KIZ: variants seen among roughly 807,000 people sequenced by gnomAD.
The protein encoded by KIZ is kizuna centrosomal protein, also known as centrosomal protein kizuna.
KIZ carries 68 observed loss-of-function variants against 79.6 expected under a neutral mutation model. The ratio of observed to expected loss-of-function variants is 0.85; its 90% confidence interval spans 0.70 to 1.05. The LOEUF is 1.05. Among genes scored for constraint, KIZ ranks in the 50% least tolerant of loss-of-function variants. The probability of loss-of-function intolerance (pLI) is 0.00; values close to 1 mark genes in which losing one functional copy is unlikely to be tolerated. For missense variants in KIZ, 797 were observed against 800.4 expected, an observed-to-expected ratio of 1.00 and a Z score of 0.05; for synonymous variants, 280 against 281.8, an observed-to-expected ratio of 0.99 and a Z score of 0.06.
intron 6 of KIZ, among the ~76,000 whole-genome samples, chr20:21,176,921 A>G (rs2034461154): frequency 6.6e-6 from 1 of 152,240 alleles, no homozygotes; most frequent in African/African-American, 2.4e-5. Context: ...CATCCATGTC[A>G]AGATGTGTGT....
chr20:21,210,452 C>CA (rs1487463775), intron 7 of KIZ, among the ~76,000 whole-genome samples: 1 of 152,026 alleles, frequency 6.6e-6, no homozygotes, highest in East Asian at 1.9e-4. Flanking sequence ...TACATCATTT[C>CA]AAATGGCTTT....
At chr20:21,223,667 T>C (rs1050425377) in intron 9 of KIZ, among the ~76,000 whole-genome samples, 32 of 139,276 alleles carry the variant, frequency 2.3e-4, no homozygotes, top group Non-Finnish European at 3.7e-4. Context: ...CTCTCTCTCT[T>C]TTTTTTTTTT....
chr20:21,156,896 A>G (rs932346409), intron 4 of KIZ, among the ~76,000 whole-genome samples: 3 of 152,198 alleles, frequency 2.0e-5, no homozygotes, highest in African/African-American at 7.2e-5. Context: ...AACATTTGGT[A>G]AATCTGGCTA....
At chr20:21,200,705 C>T (rs73115944) in intron 6 of KIZ, among the ~76,000 whole-genome samples, 2,173 of 152,258 alleles carry the variant, frequency 0.014, 36 homozygotes, top group Middle Eastern at 0.041. Flanking sequence ...TCACCTCCTG[C>T]TTTGTGGCCC....
At chr20:21,133,957 C>T (rs1435189017) in intron 2 of KIZ, among the ~76,000 whole-genome samples, 1 of 152,226 alleles carries the variant, frequency 6.6e-6, no homozygotes. Context: ...AGGGCAGCCC[C>T]AGGTGGAGTT....
intron 6 of KIZ, among the ~76,000 whole-genome samples, chr20:21,181,577 G>C (rs980000669): frequency 6.6e-6 from 1 of 151,856 alleles, no homozygotes; most frequent in Non-Finnish European, 1.5e-5. Context: ...TCATGCCTCA[G>C]CTTCCCTTGT....
chr20:21,155,098 GT>G (rs2033310801), intron 4 of KIZ, among the ~76,000 whole-genome samples: 1 of 152,196 alleles, frequency 6.6e-6, no homozygotes. Flanking sequence ...TTGGAAAACA[GT>G]TTGGCAGTTC....
intron 6 of KIZ, among the ~76,000 whole-genome samples, chr20:21,174,896 T>A (rs963134644): frequency 6.6e-6 from 1 of 152,258 alleles, no homozygotes; most frequent in African/African-American, 2.4e-5. Context: ...GTTTGAACTA[T>A]GTTCATTTAG....
intron 4 of KIZ, among the ~76,000 whole-genome samples, chr20:21,149,930 G>T (rs946745655): frequency 6.6e-6 from 1 of 152,232 alleles, no homozygotes; most frequent in African/African-American, 2.4e-5. Context: ...TATGGGAGGT[G>T]GTCCCAGGAA....
At chr20:21,159,738 G>A (rs1387564164) in intron 4 of KIZ, among the ~76,000 whole-genome samples, 2 of 152,178 alleles carry the variant, frequency 1.3e-5, no homozygotes, top group Admixed American at 1.3e-4. Flanking sequence ...TTGTATGAAT[G>A]TATTACATTT....
rs1340628111 is a variant in KIZ at position 21,215,589 on chromosome 20, C to T, written c.1619C>T (p.Ser540Leu). 3.8e-6 allele frequency: 6 copies of T among 1,591,850 alleles called. No individual in the cohort carries two copies. In the East Asian group the frequency reaches 1.3e-4, roughly 36 times the overall value. ...NSVPTREQEV[S>L]SGCGDKSKKE... is the part of the protein sequence containing the mutation. ...TTATGCATTCAATTTTTAGAAGTTT[C>T]AAGTGGCTGTGGAGACAAGAGCAAG... The change falls in exon 9 of 13, where the codon TCA becomes TTA. Residue 540 changes from serine (S) to leucine (L), a missense_variant. Transcript: ENST00000619189.
At chr20:21,190,229 G>A (rs530021811) in intron 6 of KIZ, among the ~76,000 whole-genome samples, 73 of 152,300 alleles carry the variant, frequency 4.8e-4, no homozygotes, top group Middle Eastern at 3.4e-3. Context: ...AGCAAATTGC[G>A]CTGGCTTTAT....
At chr20:21,216,779 A>C (rs2036311356) in intron 9 of KIZ, among the ~76,000 whole-genome samples, 1 of 152,150 alleles carries the variant, frequency 6.6e-6, no homozygotes, top group Non-Finnish European at 1.5e-5. Context: ...ATGGCCTCTG[A>C]ATTTATTTCA....
Position 21,189,370 on chromosome 20 carries a change from A to G in KIZ, c.1353-16121A>G, listed in dbSNP as rs530170979. On this transcript the variant is annotated intron_variant, in intron 6 of 12. Coordinates refer to ENST00000619189, the MANE Select transcript of KIZ (RefSeq NM_018474.6). ...CCAAAGAGAGAATGCTATTCATTTC[A>G]TAAAGGATGTCTGCCACCATTACAA... Among the ~76,000 whole-genome samples, 211 of 152,348 alleles carry G rather than the reference A, an allele frequency of 1.4e-3. 1 individual carries two copies. Among genetic ancestry groups the G allele is most frequent in the Admixed American group, 5.0e-3 (76 of 15,310 alleles).
At chr20:21,166,415 A>G in intron 6 of KIZ, 1 of 1,596,084 alleles carries the variant, frequency 6.3e-7, no homozygotes, top group Non-Finnish European at 8.5e-7. Flanking sequence ...GGTTCACAAC[A>G]ATTTCCCAGC....
At chr20:21,178,656 CAAAGG>C (rs1396839460) in intron 6 of KIZ, among the ~76,000 whole-genome samples, 1 of 152,116 alleles carries the variant, frequency 6.6e-6, no homozygotes, top group Non-Finnish European at 1.5e-5. Context: ...TTCGTGATCT[CAAAGG>C]AAAAGCTTTC....
At chr20:21,172,615 A>T (rs934151627) in intron 6 of KIZ, among the ~76,000 whole-genome samples, 2 of 152,034 alleles carry the variant, frequency 1.3e-5, no homozygotes, top group African/African-American at 4.8e-5. Context: ...AAAAAGTATT[A>T]TGATGAAGAA....
At chr20:21,132,506 C>G (rs1025263530) in intron 2 of KIZ, among the ~76,000 whole-genome samples, 15 of 152,286 alleles carry the variant, frequency 9.8e-5, no homozygotes, top group East Asian at 9.6e-4. Flanking sequence ...GTCTCGAACT[C>G]CTGACCTCAA....
At chr20:21,129,567 T>G (rs1240581519) in intron 1 of KIZ, among the ~76,000 whole-genome samples, 1 of 152,070 alleles carries the variant, frequency 6.6e-6, no homozygotes, top group East Asian at 1.9e-4. Flanking sequence ...AAACCCCGTC[T>G]CTACTAAAAA....
Sources: gnomAD v4.1 joint callset for allele counts (sites outside exome capture counted in the v4.1 genomes callset) on GRCh38, gnomAD v4.1.1 for gene constraint, MANE v1.5 for transcripts, NCBI Gene and HGNC (gene_info 2026-07-23, HGNC 2026-07-21) for gene names.